Variants in CADPS2 observed in about 807,000 individuals in gnomAD.
CADPS2 encodes the protein calcium-dependent secretion activator 2.
A neutral mutation model predicts 172.5 loss-of-function variants in CADPS2; 93 were observed. The observed-to-expected ratio is 0.54, with a 90% CI of 0.46 to 0.64. The LOEUF (loss-of-function observed/expected upper bound fraction) is 0.64. Ranked by LOEUF, CADPS2 falls within the 30% of genes least tolerant of loss-of-function variation. The probability of loss-of-function intolerance (pLI) is 0.00; values close to 1 mark genes in which losing one functional copy is unlikely to be tolerated. For synonymous variants in CADPS2, 546 were observed against 555.2 expected (o/e 0.98, Z 0.23); for missense variants, 1,420 against 1,565.9 (o/e 0.91, Z 1.57).
At chr7:122,789,425 T>G (rs1196063705) in intron 1 of CADPS2, among the ~76,000 whole-genome samples, 1 of 152,178 alleles carries the variant, frequency 6.6e-6, no homozygotes, top group Non-Finnish European at 1.5e-5. Context: ...AACTACTTTG[T>G]CTTGCTTTGA....
chr7:122,410,271 G>C (rs987548822), intron 19 of CADPS2, among the ~76,000 whole-genome samples: 1 of 152,028 alleles, frequency 6.6e-6, no homozygotes, highest in Non-Finnish European at 1.5e-5. Flanking sequence ...TTGAACCCGG[G>C]AGGTGAAGGT....
At chr7:122,723,251 G>A (rs986170100) in intron 2 of CADPS2, among the ~76,000 whole-genome samples, 4 of 151,952 alleles carry the variant, frequency 2.6e-5, no homozygotes, top group Non-Finnish European at 5.9e-5. Context: ...GCAACCTACA[G>A]AATGGGAGAA....
intron 1 of CADPS2, among the ~76,000 whole-genome samples, chr7:122,790,780 G>A (rs1419593411): frequency 6.6e-6 from 1 of 152,106 alleles, no homozygotes; most frequent in East Asian, 1.9e-4. Context: ...TGCATGACTA[G>A]TTCTGCCTAA....
At chr7:122,562,485 A>G (rs183345168) in intron 7 of CADPS2, among the ~76,000 whole-genome samples, 1 of 152,308 alleles carries the variant, frequency 6.6e-6, no homozygotes, top group East Asian at 1.9e-4. Flanking sequence ...TCTAGAAAGG[A>G]ACAGAACCCT....
chr7:122,653,941 G>T (rs2079456889), intron 3 of CADPS2, among the ~76,000 whole-genome samples: 1 of 152,090 alleles, frequency 6.6e-6, no homozygotes, highest in Non-Finnish European at 1.5e-5. Flanking sequence ...TTGAAAATAG[G>T]CCAATTAATA....
At chr7:122,620,018 G>T (rs2075402140) in intron 5 of CADPS2, among the ~76,000 whole-genome samples, 1 of 152,098 alleles carries the variant, frequency 6.6e-6, no homozygotes, top group Admixed American at 6.6e-5. Flanking sequence ...ATGTCCTGAA[G>T]TTTGAATTTA....
chr7:122,600,965 T>C lies in CADPS2; in HGVS notation c.1223+14216A>G, dbSNP rs73719715. Among the ~76,000 whole-genome samples, 585 of 152,206 alleles carry C rather than the reference T, an allele frequency of 3.8e-3. 5 individuals carry two copies. Among genetic ancestry groups the C allele is most frequent in the African/African-American group, 0.013 (559 of 41,556 alleles). ...ATTAATGTAGATGTTGACATTTAGC[T>C]ACTGATTTTAACAAAAATAATGCAC... On this transcript the variant is annotated intron_variant, in intron 6 of 29. Coordinates refer to ENST00000449022, the MANE Select transcript of CADPS2 (RefSeq NM_017954.11).
At chr7:122,401,395 T>C (rs2045936075) in intron 20 of CADPS2, among the ~76,000 whole-genome samples, 1 of 152,226 alleles carries the variant, frequency 6.6e-6, no homozygotes, top group Admixed American at 6.5e-5. Flanking sequence ...CTTGCTAGCA[T>C]ATCCACAGAT....
intron 1 of CADPS2, among the ~76,000 whole-genome samples, chr7:122,799,415 C>A (rs996579406): frequency 6.6e-6 from 1 of 151,706 alleles, no homozygotes; most frequent in Non-Finnish European, 1.5e-5. Flanking sequence ...CTGGCTAACA[C>A]AGTGAAACCC....
chr7:122,717,361 A>G (rs1387971909), intron 2 of CADPS2, among the ~76,000 whole-genome samples: 2 of 152,148 alleles, frequency 1.3e-5, no homozygotes, highest in Non-Finnish European at 2.9e-5. Flanking sequence ...TAAAAACCAG[A>G]TTACAAATAA....
chr7:122,538,686 G>A (rs899358825), intron 8 of CADPS2, among the ~76,000 whole-genome samples: 1 of 152,008 alleles, frequency 6.6e-6, no homozygotes, highest in Non-Finnish European at 1.5e-5. Context: ...AAAGTACACT[G>A]TAAGTAGGAA....
intron 14 of CADPS2, among the ~76,000 whole-genome samples, chr7:122,462,839 G>A (rs1451545217): frequency 1.3e-5 from 2 of 152,138 alleles, no homozygotes; most frequent in East Asian, 1.9e-4. Flanking sequence ...CTTGGGCCAG[G>A]CACAGTGGCT....
chr7:122,346,312 G>T (rs568820461), intron 27 of CADPS2, among the ~76,000 whole-genome samples: 2 of 152,264 alleles, frequency 1.3e-5, no homozygotes, highest in African/African-American at 4.8e-5. Flanking sequence ...AGGTTGCAGT[G>T]AGCTGTCATC....
intron 25 of CADPS2, among the ~76,000 whole-genome samples, chr7:122,376,772 T>C (rs945044780): frequency 1.3e-5 from 2 of 152,116 alleles, no homozygotes; most frequent in African/African-American, 2.4e-5. Flanking sequence ...GATGGATACG[T>C]TTATGGTACA....
chr7:122,831,118 G>A (rs1193214006), intron 1 of CADPS2, among the ~76,000 whole-genome samples: 1 of 152,134 alleles, frequency 6.6e-6, no homozygotes, highest in African/African-American at 2.4e-5. Flanking sequence ...AAAACTCAAT[G>A]ACCTACAAGA....
At chr7:122,390,030 C>A (rs530336642) in intron 22 of CADPS2, among the ~76,000 whole-genome samples, 2 of 152,170 alleles carry the variant, frequency 1.3e-5, no homozygotes, top group South Asian at 4.1e-4. Flanking sequence ...CTGGCCTCAG[C>A]GTCAAAGCTC....
intron 1 of CADPS2, among the ~76,000 whole-genome samples, chr7:122,762,066 ATG>A (rs1562957394): frequency 6.7e-6 from 1 of 148,966 alleles, no homozygotes; most frequent in African/African-American, 2.5e-5. Flanking sequence ...ACGTATATTT[ATG>A]TGTGTATATA....
At chr7:122,620,715 C>T (rs2075502127) in intron 5 of CADPS2, among the ~76,000 whole-genome samples, 1 of 151,966 alleles carries the variant, frequency 6.6e-6, no homozygotes, top group African/African-American at 2.4e-5. Flanking sequence ...ATCCATGATA[C>T]CTAATAATGT....
At chr7:122,418,108 T>G (rs1002389583) in intron 17 of CADPS2, among the ~76,000 whole-genome samples, 1 of 150,938 alleles carries the variant, frequency 6.6e-6, no homozygotes, top group Admixed American at 6.6e-5. Flanking sequence ...AGGCAGAGGT[T>G]GCAGTGAGCC....
Sources: allele counts gnomAD v4.1 joint callset (sites outside exome capture counted in the v4.1 genomes callset), GRCh38; gene constraint gnomAD v4.1.1; transcripts MANE v1.5; gene names NCBI Gene and HGNC (gene_info 2026-07-23, HGNC 2026-07-21).